Variants in DHX57 observed in about 807,000 individuals in gnomAD.
DHX57 encodes the protein putative ATP-dependent RNA helicase DHX57.
DHX57 carries 105 observed loss-of-function variants against 156.2 expected under a neutral mutation model. That is an observed-to-expected ratio of 0.67 (90% CI 0.57 to 0.79). DHX57 has a LOEUF of 0.79. Ranked by LOEUF, DHX57 falls within the 30% of genes least tolerant of loss-of-function variation. DHX57 has a pLI of 0.00. For synonymous variants in DHX57, 704 were observed against 595.6 expected, an observed-to-expected ratio of 1.18 and a Z score of -2.65; for missense variants, 1,847 against 1,661.9, an observed-to-expected ratio of 1.11 and a Z score of -1.94.
chr2:38,821,818 T>C (rs1670829846), intron 17 of DHX57, among the ~76,000 whole-genome samples: 1 of 152,128 alleles, frequency 6.6e-6, no homozygotes, highest in South Asian at 2.1e-4. Context: ...AAAAGGGACA[T>C]TATTACTAGC....
chr2:38,803,084 C>T (rs978082466), intron 22 of DHX57, 169 bp from the exon 23 acceptor site: 17 of 642,584 alleles, frequency 2.6e-5, no homozygotes, highest in Middle Eastern at 4.2e-4. Flanking sequence ...GACTTGCCAT[C>T]TCCTCTTGGA....
chr2:38,817,601 C>A (rs917750903), intron 19 of DHX57, among the ~76,000 whole-genome samples: 13 of 152,114 alleles, frequency 8.5e-5, no homozygotes, highest in African/African-American at 3.1e-4. Flanking sequence ...CAGGTGTGAG[C>A]CATAGTCCCT....
chr2:38,808,461 A>AT (rs1670071170), intron 21 of DHX57, among the ~76,000 whole-genome samples: 1 of 152,156 alleles, frequency 6.6e-6, no homozygotes, highest in Non-Finnish European at 1.5e-5. Flanking sequence ...ATGTTGTGAC[A>AT]TATTTTCCTA....
rs973579520 is a variant in DHX57 at position 38,856,191 on chromosome 2, CTGGATTTTTT to C, written c.1709+139_1709+148del. The C allele has an allele frequency of 6.0e-5, 65 of 1,075,912 alleles. No homozygotes were observed. In the African/African-American group the frequency reaches 9.4e-4, roughly 16 times the overall value. 66.6% of individuals were successfully genotyped at this position (1,075,912 alleles called of 1,614,324 possible). A position where few individuals can be genotyped will look rare whatever the true frequency, so the allele number is the denominator to read the frequency against. ...CATGAGCCTTGTTAAAAGTCTTCAG[CTGGATTTTTT>C]TGCCTTATGTCTCAAGGCAGATGTA... On this transcript the variant is annotated intron_variant, in intron 7 of 23. Transcript: ENST00000457308.
At chr2:38,810,659 T>G (rs1437713692) in intron 21 of DHX57, 1 of 678,828 alleles carries the variant, frequency 1.5e-6, no homozygotes, top group African/African-American at 1.8e-5. Flanking sequence ...TCCTGGGACT[T>G]GGCAATGCAG....
rs1341310139 is a variant in DHX57 at position 38,837,850 on chromosome 2, T to G, written c.2523A>C (p.Gly841=). 2 of 1,607,582 alleles carry G rather than the reference T, an allele frequency of 1.2e-6. No individual in the cohort carries two copies. Among genetic ancestry groups the G allele is most frequent in the African/African-American group, 1.3e-5 (1 of 74,754 alleles). The change falls in exon 13 of 24, where the codon GGA becomes GGC. Residue 841 remains glycine, a synonymous_variant. Coordinates refer to ENST00000457308, the MANE Select transcript of DHX57 (RefSeq NM_198963.3). ...IEALLEWIVD[G]KHSYPPGAIL... is the part of the protein sequence containing the mutation. ...AGTTACCTGGAGGGTAGGAGTGCTTTCCATCCACAATCCACTCTAATAAGG... is the reference window on the plus strand; with the variant it reads ...AGTTACCTGGAGGGTAGGAGTGCTTGCCATCCACAATCCACTCTAATAAGG...
At position 38,838,070 on chromosome 2, in the gene DHX57, A is replaced by T; in HGVS notation, c.2426-123T>A. On this transcript the variant is annotated intron_variant, in intron 12 of 23. Coordinates refer to ENST00000457308, the MANE Select transcript of DHX57 (RefSeq NM_198963.3). ...TGAGTGTTGGTTTAATAGCACAGAT[A>T]TTAACATTTAATGTACTGAAATGAA... 4 of 678,730 alleles carry T rather than the reference A, an allele frequency of 5.9e-6. No homozygotes were observed. In the South Asian group the frequency reaches 7.2e-5, roughly 12 times the overall value. The allele number at this position is 678,730 out of a possible 1,614,324, so 42.0% of individuals were successfully genotyped here. A position where few individuals can be genotyped will look rare whatever the true frequency, so the allele number is the denominator to read the frequency against.
Position 38,862,230 on chromosome 2 carries a change from G to C in DHX57, c.487C>G (p.Pro163Ala), listed in dbSNP as rs1445508076. 1 of 1,613,810 alleles carries C rather than the reference G, an allele frequency of 6.2e-7. No homozygotes were observed. Among genetic ancestry groups the C allele is most frequent in the African/African-American group, 1.3e-5 (1 of 74,920 alleles). Residue 163 changes from proline (P) to alanine (A), a missense_variant, in exon 4 of 24, where the codon CCT (proline) becomes GCT (alanine). Transcript: ENST00000457308. ...GAGGCTAAGCCAGCATATTCCAAAG[G>C]ATCCAAGTCGGGAACGAGGGAAGGT... The part of the protein sequence containing the change: ...QEPSLVPDLD[P>A]LEYAGLASVE...
intron 22 of DHX57, among the ~76,000 whole-genome samples, chr2:38,805,726 G>A (rs911393257): frequency 0.2 from 82 of 402 alleles, no homozygotes; most frequent in Non-Finnish European, 0.33. Context: ...GAGTGAATTG[G>A]GGATCATTGA....
chr2:38,829,863 T>C (rs1416843896), intron 13 of DHX57, among the ~76,000 whole-genome samples: 1 of 152,182 alleles, frequency 6.6e-6, no homozygotes, highest in East Asian at 1.9e-4. Flanking sequence ...GTAATCTAAA[T>C]TCAGATATAT....
chr2:38,851,867 T>C (rs1672611157), intron 9 of DHX57, among the ~76,000 whole-genome samples: 1 of 152,206 alleles, frequency 6.6e-6, no homozygotes, highest in African/African-American at 2.4e-5. Context: ...TCAATGATTT[T>C]GTTAAAAAAA....
At chr2:38,853,799 C>A in intron 9 of DHX57, 2 of 259,238 alleles carry the variant, frequency 7.7e-6, no homozygotes, top group Non-Finnish European at 1.5e-5. Context: ...TAGCATAATG[C>A]CCAGGATGGT....
In DHX57 at chr2:38,861,512, T is replaced by C. The variant is rs770169180; in HGVS notation, c.898A>G (p.Asn300Asp). 6.2e-7 allele frequency: 1 copy of C among 1,614,146 alleles called. No individual in the cohort carries two copies. The highest frequency in any genetic ancestry group is 1.1e-5 in the South Asian group (1 of 91,086). ...TAAAATTTACAGATTTCAAGTGAAT[T>C]CTCTTGTACATTTTTGGTACTTTCT... is the stretch of plus-strand genomic sequence containing the variant. The part of the protein sequence containing the change: ...PKESTKNVQE[N>D]SLEICKFYLK... Residue 300 changes from asparagine to aspartate, a missense_variant, in exon 5 of 24, where the codon AAT becomes GAT. Coordinates refer to ENST00000457308, the MANE Select transcript of DHX57 (RefSeq NM_198963.3).
intron 21 of DHX57, among the ~76,000 whole-genome samples, 155 bp downstream of exon 21, chr2:38,813,666 C>T (rs1181764950): frequency 6.6e-6 from 1 of 152,102 alleles, no homozygotes; most frequent in Non-Finnish European, 1.5e-5. Flanking sequence ...GCCACCGCAC[C>T]CGGCCGAAAA....
At chr2:38,831,538 A>C (rs1184758384) in intron 13 of DHX57, among the ~76,000 whole-genome samples, 1 of 151,856 alleles carries the variant, frequency 6.6e-6, no homozygotes, top group East Asian at 1.9e-4. Flanking sequence ...GATTTTTTTC[A>C]GTAATAGTCT....
chr2:38,852,040 C>T (rs942356199), intron 9 of DHX57, among the ~76,000 whole-genome samples: 1 of 151,830 alleles, frequency 6.6e-6, no homozygotes, highest in African/African-American at 2.4e-5. Context: ...TTGTCTTGTT[C>T]TAGGAATTAT....
At chr2:38,821,629 G>T (rs1670820824) in intron 17 of DHX57, among the ~76,000 whole-genome samples, 1 of 152,102 alleles carries the variant, frequency 6.6e-6, no homozygotes, top group South Asian at 2.1e-4. Flanking sequence ...GAAGTCGGAG[G>T]TTGCAGTGAG....
rs771698836 is a variant in DHX57 at position 38,858,795 on chromosome 2, C to T, written c.1453G>A (p.Gly485Ser). The T allele has an allele frequency of 4.1e-5, 66 of 1,613,054 alleles. No homozygotes were observed. The highest frequency in any genetic ancestry group is 5.3e-5 in the Non-Finnish European group (62 of 1,179,826). The change falls in exon 6 of 24, where the codon GGT (glycine) becomes AGT (serine). Residue 485 changes from glycine (G) to serine (S), a missense_variant. By Grantham distance (56) the Gly-to-Ser change is moderately conservative (BLOSUM62 0). Coordinates refer to ENST00000457308, the MANE Select transcript of DHX57 (RefSeq NM_198963.3). ...TTCTCTACTATAACAGGTGCAGGAC[C>T]GTCATCCTCATCTGACTCCTCAGAT... ...SESEESDEDD[G>S]PAPVIVENES...
In DHX57 at chr2:38,843,340, C is replaced by T. The variant is rs1672110145; in HGVS notation, c.2220-130G>A. 6.6e-6 allele frequency: 6 copies of T among 902,572 alleles called. No individual in the cohort carries two copies. In the East Asian group the frequency reaches 1.3e-4, roughly 20 times the overall value. The allele number at this position is 902,572 out of a possible 1,614,324, so 55.9% of individuals were successfully genotyped here. ...CCCAATTCACATGCCATCCTTCCAC[C>T]AGTCCAGGATTCTGGCTGTACCCTA... is the stretch of plus-strand genomic sequence containing the variant. On this transcript the variant is annotated intron_variant, in intron 11 of 23. Coordinates refer to ENST00000457308, the MANE Select transcript of DHX57 (RefSeq NM_198963.3).
Sources: allele counts gnomAD v4.1 joint callset (sites outside exome capture counted in the v4.1 genomes callset), GRCh38; gene constraint gnomAD v4.1.1; transcripts MANE v1.5; gene names NCBI Gene and HGNC (gene_info 2026-07-23, HGNC 2026-07-21).